The following SPSB4 variants were observed in gnomAD, a reference collection of about 807,000 sequenced individuals.
SPSB4 encodes SPRY domain-containing SOCS box protein 4.
Under a neutral mutation model 20.9 loss-of-function variants are expected in SPSB4, and 21 were observed. The ratio of observed to expected loss-of-function variants is 1.01; its 90% CI spans 0.71 to 1.45. The LOEUF is 1.45. SPSB4 is among the 40% of genes most tolerant of loss of function. SPSB4 has a pLI of 0.00. For synonymous variants in SPSB4, 207 were observed against 183.8 expected (o/e 1.13, Z -1.02); for missense variants, 399 against 399.2 (o/e 1.00, Z 0.00).
chr3:141,106,717 G>T (rs1440740426), intron 2 of SPSB4, among the ~76,000 whole-genome samples: 6 of 152,184 alleles, frequency 3.9e-5, no homozygotes, highest in Non-Finnish European at 8.8e-5. Context: ...CATTGGCAGG[G>T]TCTGACGTCT....
intron 2 of SPSB4, among the ~76,000 whole-genome samples, chr3:141,075,890 TACAAAAA>T (rs1311047498): frequency 1.3e-3 from 24 of 18,334 alleles, no homozygotes; most frequent in African/African-American, 6.1e-3. Context: ...CTACTAAAAA[TACAAAAA>T]AAAAAAAAAA....
At chr3:141,129,505 C>T (rs532336792) in intron 2 of SPSB4, among the ~76,000 whole-genome samples, 84 of 152,368 alleles carry the variant, frequency 5.5e-4, no homozygotes, top group Non-Finnish European at 8.8e-4. Flanking sequence ...GCACCTGCTT[C>T]CTGTCTTCCT....
At chr3:141,120,079 G>A (rs1486690214) in intron 2 of SPSB4, among the ~76,000 whole-genome samples, 1 of 152,142 alleles carries the variant, frequency 6.6e-6, no homozygotes, top group Non-Finnish European at 1.5e-5. Flanking sequence ...TCTACACACT[G>A]CTTTAAATGT....
rs546397086 is a variant in SPSB4 at position 141,076,607 on chromosome 3, C to T, written c.694+9809C>T. On this transcript the variant is annotated intron_variant, in intron 2 of 2. Coordinates refer to ENST00000310546, the MANE Select transcript of SPSB4 (RefSeq NM_080862.3). ...TGAGGAGAAGTGCTGGTATCACAGT[C>T]TGCACATGTGGAGATTAGGCCTGAG... Among the ~76,000 whole-genome samples, 221 of 152,334 alleles carry T rather than the reference C, an allele frequency of 1.5e-3. 1 individual carries two copies. The highest frequency in any genetic ancestry group is 5.1e-3 in the African/African-American group (214 of 41,582).
intron 2 of SPSB4, among the ~76,000 whole-genome samples, chr3:141,140,045 T>C (rs991970465): frequency 2.6e-5 from 4 of 152,222 alleles, no homozygotes; most frequent in African/African-American, 9.6e-5. Flanking sequence ...TTTTATTCTT[T>C]TTTCTCTAAA....
intron 2 of SPSB4, among the ~76,000 whole-genome samples, chr3:141,093,855 C>T (rs1938503923): frequency 1.3e-5 from 2 of 152,198 alleles, no homozygotes; most frequent in African/African-American, 4.8e-5. Flanking sequence ...TGAACTCCAG[C>T]CTGAGCCATG....
intron 2 of SPSB4, among the ~76,000 whole-genome samples, chr3:141,087,135 C>G (rs1179030385): frequency 6.6e-6 from 1 of 152,194 alleles, no homozygotes; most frequent in Non-Finnish European, 1.5e-5. Context: ...GGACCCCGAC[C>G]CTTATTCAGG....
intron 2 of SPSB4, chr3:141,115,284 C>G (rs1463918507): frequency 6.6e-6 from 1 of 152,216 alleles, no homozygotes; most frequent in Middle Eastern, 3.2e-3. Flanking sequence ...CCAGCTGTCC[C>G]CAGTGGCGTT....
At chr3:141,124,409 G>T (rs1247976373) in intron 2 of SPSB4, among the ~76,000 whole-genome samples, 6 of 152,150 alleles carry the variant, frequency 3.9e-5, no homozygotes, top group Non-Finnish European at 5.9e-5. Context: ...TTCAAACCAG[G>T]ATCGTCTCAT....
intron 2 of SPSB4, among the ~76,000 whole-genome samples, chr3:141,076,000 A>T (rs1240277614): frequency 2.0e-5 from 3 of 151,970 alleles, no homozygotes; most frequent in Non-Finnish European, 4.4e-5. Context: ...TGGAGGTTGC[A>T]GTGAGCTGAG....
chr3:141,056,983 G>A (rs1371409971), intron 1 of SPSB4, among the ~76,000 whole-genome samples: 1 of 152,222 alleles, frequency 6.6e-6, no homozygotes, highest in Non-Finnish European at 1.5e-5. Flanking sequence ...GCACCTTGGG[G>A]GCCCCTGGCT....
chr3:141,123,480 C>T lies in SPSB4; in HGVS notation c.695-23662C>T, dbSNP rs116869305. Among the ~76,000 whole-genome samples the T allele has an allele frequency of 4.1e-4, 62 of 152,340 alleles. No individual in the cohort carries two copies. The East Asian group carries it at 0.011, about 27-fold the overall frequency. ...CTGCAACTTCCTAAATTACTTACTC[C>T]TATGCCAGTACCACTCAATGTCATT... On this transcript the variant is annotated intron_variant, in intron 2 of 2. Transcript: ENST00000310546.
intron 1 of SPSB4, among the ~76,000 whole-genome samples, chr3:141,056,818 T>A (rs1328287725): frequency 6.6e-6 from 1 of 152,260 alleles, no homozygotes; most frequent in African/African-American, 2.4e-5. Flanking sequence ...CAGGGGCAGC[T>A]GTGGTGACCG....
intron 1 of SPSB4, among the ~76,000 whole-genome samples, chr3:141,055,452 G>A (rs912919878): frequency 1.3e-5 from 2 of 152,104 alleles, no homozygotes; most frequent in Non-Finnish European, 2.9e-5. Flanking sequence ...AGGGCCCCTG[G>A]GTGCCAAGCA....
chr3:141,136,240 C>G (rs548561666), intron 2 of SPSB4, among the ~76,000 whole-genome samples: 1 of 152,244 alleles, frequency 6.6e-6, no homozygotes, highest in Non-Finnish European at 1.5e-5. Flanking sequence ...TGGTTATTAG[C>G]CCTATGTCAG....
At chr3:141,098,964 T>C (rs1207649725) in intron 2 of SPSB4, among the ~76,000 whole-genome samples, 2 of 152,130 alleles carry the variant, frequency 1.3e-5, no homozygotes, top group African/African-American at 4.8e-5. Flanking sequence ...AGCGAGCACA[T>C]GAAAAAGAGA....
At chr3:141,115,623 GC>G (rs976510962) in intron 2 of SPSB4, among the ~76,000 whole-genome samples, 1 of 152,172 alleles carries the variant, frequency 6.6e-6, no homozygotes, top group African/African-American at 2.4e-5. Context: ...CTGATCATTA[GC>G]TTTTTAAAAA....
At chr3:141,115,293 T>C (rs1938865864) in intron 2 of SPSB4, 1 of 152,232 alleles carries the variant, frequency 6.6e-6, no homozygotes, top group African/African-American at 2.4e-5. Flanking sequence ...CCCAGTGGCG[T>C]TGGCAGGTAC....
chr3:141,129,655 G>A (rs955225521), intron 2 of SPSB4, among the ~76,000 whole-genome samples: 1 of 152,198 alleles, frequency 6.6e-6, no homozygotes, highest in Non-Finnish European at 1.5e-5. Flanking sequence ...GGTGCAGTGT[G>A]TGGGCCCAGG....
Sources: allele counts gnomAD v4.1 joint callset (sites outside exome capture counted in the v4.1 genomes callset), GRCh38; gene constraint gnomAD v4.1.1; transcripts MANE v1.5; gene names NCBI Gene and HGNC (gene_info 2026-07-23, HGNC 2026-07-21).